Variants in DYSF observed in about 807,000 individuals in gnomAD.
DYSF encodes dystrophy-associated fer-1-like 1.
Under a neutral mutation model 274.9 loss-of-function variants are expected in DYSF, and 212 were observed. That is an observed-to-expected ratio of 0.77 (90% CI 0.69 to 0.86). DYSF has a LOEUF of 0.86. Ranked by LOEUF, DYSF falls within the 40% of genes least tolerant of loss-of-function variation. The pLI, the probability that DYSF is intolerant of heterozygous loss-of-function variation, is 0.00. For synonymous variants in DYSF, 1,091 were observed against 1,078.7 expected (o/e 1.01, Z -0.22); for missense variants, 2,666 against 2,783.2 (o/e 0.96, Z 0.95).
chr2:71,656,909 T>C (rs2094785381), intron 43 of DYSF, among the ~76,000 whole-genome samples: 1 of 152,122 alleles, frequency 6.6e-6, no homozygotes, highest in African/African-American at 2.4e-5. Context: ...AGCCAAACCA[T>C]ATCATTCTGC....
At chr2:71,500,852 G>A (rs114186068) in intron 3 of DYSF, among the ~76,000 whole-genome samples, 1 of 151,956 alleles carries the variant, frequency 6.6e-6, no homozygotes, top group African/African-American at 2.4e-5. Context: ...TAGATACCCG[G>A]GTCCTGGGGC....
intron 17 of DYSF, among the ~76,000 whole-genome samples, chr2:71,542,859 C>T (rs1362603679): frequency 6.6e-6 from 1 of 152,260 alleles, no homozygotes; most frequent in Non-Finnish European, 1.5e-5. Context: ...CCATCATCAT[C>T]ATGGCCCGTT....
intron 3 of DYSF, among the ~76,000 whole-genome samples, chr2:71,482,524 T>C (rs371707331): frequency 2.3e-4 from 35 of 152,208 alleles, no homozygotes; most frequent in African/African-American, 7.7e-4. Context: ...GTTTTTCATG[T>C]ACCTAGTGGT....
At chr2:71,558,251 G>T (rs551642000) in intron 22 of DYSF, among the ~76,000 whole-genome samples, 2 of 152,180 alleles carry the variant, frequency 1.3e-5, no homozygotes, top group South Asian at 4.1e-4. Context: ...CATGGGGGCT[G>T]TGCTCTGAGA....
At chr2:71,614,311 G>A (rs1004093967) in intron 40 of DYSF, among the ~76,000 whole-genome samples, 3 of 152,234 alleles carry the variant, frequency 2.0e-5, no homozygotes, top group Non-Finnish European at 4.4e-5. Context: ...GGGCCACCCA[G>A]AGGCAGAGCC....
chr2:71,558,791 G>A (rs533810403), intron 22 of DYSF, among the ~76,000 whole-genome samples: 95 of 152,222 alleles, frequency 6.2e-4, no homozygotes, highest in African/African-American at 2.2e-3. Flanking sequence ...CTGGGTTCCC[G>A]TCCTCTTGAG....
intron 1 of DYSF, among the ~76,000 whole-genome samples, chr2:71,458,499 G>A (rs1045852410): frequency 2.6e-5 from 4 of 152,130 alleles, no homozygotes; most frequent in African/African-American, 9.7e-5. Context: ...CCCTCCTAGA[G>A]CAGTCCCTTC....
chr2:71,498,187 T>A (rs1291384804), intron 3 of DYSF, among the ~76,000 whole-genome samples: 1 of 152,226 alleles, frequency 6.6e-6, no homozygotes, highest in Non-Finnish European at 1.5e-5. Context: ...CTTGGTGGGC[T>A]TTTGTTACAT....
At chr2:71,653,708 T>A (rs1257797679) in intron 42 of DYSF, among the ~76,000 whole-genome samples, 1 of 150,766 alleles carries the variant, frequency 6.6e-6, no homozygotes, top group African/African-American at 2.4e-5. Flanking sequence ...ACACCTAATG[T>A]TAAATGAAGA....
intron 22 of DYSF, among the ~76,000 whole-genome samples, chr2:71,558,164 CTGA>C (rs1378398097): frequency 1.3e-5 from 2 of 152,156 alleles, no homozygotes; most frequent in East Asian, 3.8e-4. Context: ...TGGACAGAAC[CTGA>C]TGATGGGGTG....
rs577811380 is a variant in DYSF, at chr2:71,624,079, C to G, written c.4527+3470C>G. Among the ~76,000 whole-genome samples the G allele has an allele frequency of 9.8e-3, 1,494 of 152,216 alleles. 9 individuals carry two copies. Among genetic ancestry groups the G allele is most frequent in the Middle Eastern group, 0.037 (11 of 294 alleles). On this transcript the variant is annotated intron_variant, in intron 41 of 55. Coordinates refer to ENST00000410020, the MANE Select transcript of DYSF (RefSeq NM_001130987.2). ...GTGAGACCTTGTTGCAACAAACAAC[C>G]TCACCAAAACACAAAAGCCTTAAAT...
At chr2:71,505,143 A>G (rs2085358121) in intron 4 of DYSF, among the ~76,000 whole-genome samples, 2 of 152,204 alleles carry the variant, frequency 1.3e-5, no homozygotes, top group African/African-American at 4.8e-5. Context: ...CAGAGGGTCT[A>G]GGACTAGATT....
At chr2:71,620,814 C>G (rs1162327935) in intron 41 of DYSF, among the ~76,000 whole-genome samples, 2 of 151,988 alleles carry the variant, frequency 1.3e-5, no homozygotes, top group African/African-American at 4.8e-5. Context: ...AATGGACACC[C>G]CTAGGTTACT....
At chr2:71,645,517 CT>C (rs2094553502) in intron 42 of DYSF, among the ~76,000 whole-genome samples, 1 of 151,686 alleles carries the variant, frequency 6.6e-6, no homozygotes, top group Admixed American at 6.6e-5. Context: ...TGTCCAGCAA[CT>C]TGTGTTTCTG....
intron 1 of DYSF, among the ~76,000 whole-genome samples, chr2:71,473,506 GGC>G (rs1291588496): frequency 2.0e-5 from 3 of 152,084 alleles, no homozygotes; most frequent in Non-Finnish European, 4.4e-5. Flanking sequence ...CTGACTCATG[GGC>G]AGATGCAGCT....
At chr2:71,621,946 A>G (rs1307669119) in intron 41 of DYSF, among the ~76,000 whole-genome samples, 1 of 152,164 alleles carries the variant, frequency 6.6e-6, no homozygotes, top group Non-Finnish European at 1.5e-5. Context: ...GGCGTGAGCC[A>G]CCACACCCAG....
At chr2:71,489,660 G>T (rs1393484332) in intron 3 of DYSF, among the ~76,000 whole-genome samples, 1 of 152,200 alleles carries the variant, frequency 6.6e-6, no homozygotes, top group Non-Finnish European at 1.5e-5. Context: ...AGAGGCGCCT[G>T]GGGAGGGGGC....
intron 14 of DYSF, 103 bp downstream of exon 14, chr2:71,528,504 A>G (rs2088240865): frequency 4.1e-6 from 4 of 975,328 alleles, no homozygotes; most frequent in Non-Finnish European, 6.4e-6. Context: ...CCCCCACCAG[A>G]GGTGTGTGCA....
chr2:71,652,613 A>C (rs114179949), intron 42 of DYSF, among the ~76,000 whole-genome samples: 3 of 152,240 alleles, frequency 2.0e-5, no homozygotes, highest in Non-Finnish European at 4.4e-5. Context: ...TACTATAAAG[A>C]TAACAATTCC....
Sources: allele counts gnomAD v4.1 joint callset (sites outside exome capture counted in the v4.1 genomes callset), GRCh38; gene constraint gnomAD v4.1.1; transcripts MANE v1.5; gene names NCBI Gene and HGNC (gene_info 2026-07-23, HGNC 2026-07-21).